The following LRRC1 variants were observed in gnomAD, a reference collection of about 807,000 sequenced individuals.
LRRC1 encodes leucine-rich repeat-containing protein 1.
Under a neutral mutation model 69.9 loss-of-function variants are expected in LRRC1, and 28 were observed. The observed-to-expected ratio is 0.40, with a 90% CI of 0.30 to 0.55. The LOEUF is 0.55. Ranked by LOEUF, LRRC1 falls within the 20% of genes least tolerant of loss-of-function variation. The probability of loss-of-function intolerance (pLI) is 0.47; values close to 1 mark genes in which losing one functional copy is unlikely to be tolerated. For missense variants in LRRC1, 498 were observed against 609.0 expected, an observed-to-expected ratio of 0.82 and a Z score of 1.92; for synonymous variants, 236 against 240.2, an observed-to-expected ratio of 0.98 and a Z score of 0.16.
At chr6:53,893,561 G>T (rs539151342) in intron 4 of LRRC1, among the ~76,000 whole-genome samples, 2 of 151,974 alleles carry the variant, frequency 1.3e-5, no homozygotes, top group African/African-American at 4.8e-5. Flanking sequence ...TATGAGTGCC[G>T]ACCATTTGCT....
intron 3 of LRRC1, among the ~76,000 whole-genome samples, chr6:53,881,833 C>G (rs1767300350): frequency 6.6e-6 from 1 of 152,110 alleles, no homozygotes; most frequent in African/African-American, 2.4e-5. Context: ...CAATGAGATC[C>G]TTTGCCTTTA....
chr6:53,914,745 G>A (rs932574658), intron 11 of LRRC1, among the ~76,000 whole-genome samples: 1 of 152,104 alleles, frequency 6.6e-6, no homozygotes, highest in African/African-American at 2.4e-5. Context: ...CTGGCTCCTT[G>A]GCTCTCTTCT....
intron 1 of LRRC1, among the ~76,000 whole-genome samples, chr6:53,833,699 G>C (rs980823266): frequency 6.6e-6 from 1 of 152,092 alleles, no homozygotes; most frequent in Non-Finnish European, 1.5e-5. Flanking sequence ...TTATATTTTA[G>C]AGCAGGAGAG....
At chr6:53,796,945 A>G (rs1173487749) in intron 1 of LRRC1, among the ~76,000 whole-genome samples, 1 of 152,206 alleles carries the variant, frequency 6.6e-6, no homozygotes, top group African/African-American at 2.4e-5. Context: ...TATGTAATTT[A>G]ATAGTTTTCA....
At chr6:53,841,027 C>T (rs1765771876) in intron 1 of LRRC1, among the ~76,000 whole-genome samples, 1 of 152,086 alleles carries the variant, frequency 6.6e-6, no homozygotes, top group South Asian at 2.1e-4. Flanking sequence ...TAACCTGAAG[C>T]TTCTTTATAG....
intron 1 of LRRC1, among the ~76,000 whole-genome samples, chr6:53,807,670 G>A (rs113655339): frequency 0.02 from 2,240 of 110,004 alleles, 67 homozygotes; most frequent in African/African-American, 0.071. Context: ...GCTTGAACCC[G>A]GGAGATGGAG....
At chr6:53,846,553 A>G (rs1018826525) in intron 2 of LRRC1, among the ~76,000 whole-genome samples, 7 of 152,244 alleles carry the variant, frequency 4.6e-5, no homozygotes, top group African/African-American at 1.7e-4. Context: ...AGTCAAGGAA[A>G]GTGACACACT....
intron 3 of LRRC1, among the ~76,000 whole-genome samples, chr6:53,882,289 G>A (rs564520938): frequency 6.6e-6 from 1 of 152,084 alleles, no homozygotes; most frequent in Non-Finnish European, 1.5e-5. Context: ...CGGAGGTTGC[G>A]GTGAGCCGAG....
rs1442029251 is a variant in LRRC1 at position 53,896,848 on chromosome 6, A to G, written c.523A>G (p.Arg175Gly). ...YLPDSLTQLR[R>G]LEELDLGNNE... Reference sequence around the variant, plus strand: ...AAATAGCTCTCTTACCCAGCTGCGAAGACTAGAAGAACTTGATTTAGGAAA... The same window carrying G: ...AAATAGCTCTCTTACCCAGCTGCGAGGACTAGAAGAACTTGATTTAGGAAA... The change falls in exon 6 of 14, where the codon AGA becomes GGA. Residue 175 changes from arginine (R) to glycine (G), a missense_variant. Transcript: ENST00000370888. 2.5e-6 allele frequency: 4 copies of G among 1,602,900 alleles called. No homozygotes were observed. The African/African-American group carries it at 5.4e-5, about 21-fold the overall frequency.
chr6:53,819,013 C>T (rs1765036107), intron 1 of LRRC1, among the ~76,000 whole-genome samples: 1 of 152,106 alleles, frequency 6.6e-6, no homozygotes, highest in South Asian at 2.1e-4. Flanking sequence ...CAGTTAACTG[C>T]ACTGCAGGCT....
chr6:53,814,679 T>G (rs930960000), intron 1 of LRRC1, among the ~76,000 whole-genome samples: 1 of 152,238 alleles, frequency 6.6e-6, no homozygotes, highest in African/African-American at 2.4e-5. Context: ...CATGCTATAT[T>G]TATTAAGCTA....
At chr6:53,854,418 T>G (rs1766244746) in intron 2 of LRRC1, among the ~76,000 whole-genome samples, 1 of 152,244 alleles carries the variant, frequency 6.6e-6, no homozygotes, top group African/African-American at 2.4e-5. Flanking sequence ...AGAAACATTG[T>G]TGAAAAGCAA....
chr6:53,896,715 T>C, intron 5 of LRRC1, 114 bp from the exon 6 acceptor site: 1 of 978,774 alleles, frequency 1.0e-6, no homozygotes, highest in South Asian at 1.5e-5. Context: ...CAATATTTTC[T>C]ACCATAAAAA....
intron 1 of LRRC1, among the ~76,000 whole-genome samples, chr6:53,799,777 C>T (rs1764411926): frequency 6.6e-6 from 1 of 152,212 alleles, no homozygotes; most frequent in Non-Finnish European, 1.5e-5. Context: ...GACTGCTTTT[C>T]CCAGAAGTTC....
chr6:53,857,107 A>G (rs1273857299), intron 2 of LRRC1, among the ~76,000 whole-genome samples: 1 of 152,130 alleles, frequency 6.6e-6, no homozygotes, highest in East Asian at 1.9e-4. Flanking sequence ...GATGAATATA[A>G]AGTTCTGAGG....
intron 2 of LRRC1, among the ~76,000 whole-genome samples, chr6:53,875,879 T>C (rs1289446014): frequency 3.3e-5 from 5 of 152,242 alleles, no homozygotes; most frequent in Non-Finnish European, 7.3e-5. Context: ...CATTTATCAT[T>C]TCTTTGTGTT....
chr6:53,818,118 C>A (rs539259782), intron 1 of LRRC1, among the ~76,000 whole-genome samples: 10 of 152,248 alleles, frequency 6.6e-5, no homozygotes, highest in African/African-American at 2.4e-4. Context: ...AAGGAGAAGG[C>A]CACTCTTTTA....
intron 4 of LRRC1, 44 bp from the exon 5 acceptor site, chr6:53,896,454 C>G (rs1186130326): frequency 6.5e-7 from 1 of 1,540,752 alleles, no homozygotes; most frequent in Middle Eastern, 1.7e-4. Flanking sequence ...GGAAGAATCT[C>G]AGGAATTTCT....
chr6:53,860,686 G>A (rs1407844518), intron 2 of LRRC1, among the ~76,000 whole-genome samples: 2 of 151,994 alleles, frequency 1.3e-5, no homozygotes, highest in East Asian at 1.9e-4. Flanking sequence ...TTCCCCATCC[G>A]CAACTAAACA....
Sources: allele counts gnomAD v4.1 joint callset (sites outside exome capture counted in the v4.1 genomes callset), GRCh38; gene constraint gnomAD v4.1.1; transcripts MANE v1.5; gene names NCBI Gene and HGNC (gene_info 2026-07-23, HGNC 2026-07-21).